The following ADCY9 variants were observed in gnomAD, a reference collection of about 807,000 sequenced individuals.
ADCY9 encodes adenylate cyclase 9.
In ADCY9, 50 loss-of-function variants were observed where a neutral mutation model predicts 101.5. The observed-to-expected ratio is 0.49, with a 90% CI of 0.39 to 0.62. ADCY9 has a LOEUF of 0.62. Ranked by LOEUF, ADCY9 falls within the 20% of genes least tolerant of loss-of-function variation. ADCY9 has a pLI of 0.00. For synonymous variants in ADCY9, 905 were observed against 769.3 expected (o/e 1.18, Z -2.92); for missense variants, 1,662 against 1,800.4 (o/e 0.92, Z 1.39).
chr16:4,022,860 T>G (rs2056487390), intron 2 of ADCY9, among the ~76,000 whole-genome samples: 1 of 152,224 alleles, frequency 6.6e-6, no homozygotes, highest in Non-Finnish European at 1.5e-5. Flanking sequence ...TCCTATTCAT[T>G]CTTTCAACAC....
chr16:4,113,906 C>G lies in ADCY9; in HGVS notation c.1537G>C (p.Asp513His), dbSNP rs747579417. Reference sequence around the variant, plus strand: ...TCCATGAGATTGGCCAGGTTCACATCGTTGGACCACACGTCAAATTTAAAC... The same window carrying G: ...TCCATGAGATTGGCCAGGTTCACATGGTTGGACCACACGTCAAATTTAAAC... ...RRFKFDVWSN[D>H]VNLANLMEQL... Residue 513 changes from aspartate to histidine, a missense_variant, in exon 2 of 11, where the codon GAT becomes CAT. Transcript: ENST00000294016. The G allele has an allele frequency of 2.5e-6, 4 of 1,614,178 alleles. No individual in the cohort carries two copies. The highest frequency in any genetic ancestry group is 1.1e-5 in the South Asian group (1 of 91,090).
intron 2 of ADCY9, among the ~76,000 whole-genome samples, chr16:4,041,816 A>T (rs1368403476): frequency 2.0e-5 from 3 of 150,898 alleles, no homozygotes; most frequent in Non-Finnish European, 4.4e-5. Flanking sequence ...CGGTGGAGTA[A>T]TCACAGCTCA....
intron 10 of ADCY9, 126 bp from the exon 11 acceptor site, chr16:3,967,092 C>T: frequency 1.3e-6 from 1 of 747,902 alleles, no homozygotes; most frequent in Non-Finnish European, 2.2e-6. Flanking sequence ...TGTCAAGCTG[C>T]CCATTCCTGG....
intron 3 of ADCY9, among the ~76,000 whole-genome samples, chr16:4,000,864 T>C (rs2056324543): frequency 6.6e-6 from 1 of 151,772 alleles, no homozygotes; most frequent in Non-Finnish European, 1.5e-5. Context: ...GAAGTCAAGA[T>C]AAGAAAATAT....
intron 2 of ADCY9, among the ~76,000 whole-genome samples, chr16:4,098,241 T>G (rs56057686): frequency 0.046 from 7,012 of 151,592 alleles, 547 homozygotes; most frequent in African/African-American, 0.16. Flanking sequence ...TTTGTTTTTG[T>G]TTTTGGTTTT....
chr16:4,006,094 C>A (rs1056146072), intron 3 of ADCY9, among the ~76,000 whole-genome samples: 1 of 152,140 alleles, frequency 6.6e-6, no homozygotes, highest in African/African-American at 2.4e-5. Context: ...ACCACTGTCC[C>A]GGTGGTTTTC....
chr16:4,061,367 T>C (rs2056772445), intron 2 of ADCY9, among the ~76,000 whole-genome samples: 1 of 152,094 alleles, frequency 6.6e-6, no homozygotes, highest in Admixed American at 6.6e-5. Flanking sequence ...AAACTCAAAG[T>C]AAGCTCAAAA....
downstream of ADCY9, among the ~76,000 whole-genome samples, chr16:3,961,930 G>A (rs988386854): frequency 5.3e-5 from 8 of 152,110 alleles, no homozygotes; most frequent in African/African-American, 1.9e-4. Flanking sequence ...GGAGGCTGAG[G>A]CACGAGAATT....
chr16:4,028,183 G>GA (rs754172532), intron 2 of ADCY9, among the ~76,000 whole-genome samples: 16 of 152,090 alleles, frequency 1.1e-4, no homozygotes, highest in Non-Finnish European at 2.2e-4. Flanking sequence ...TATAGCAAGA[G>GA]AAAAAAGTCA....
At chr16:4,010,150 G>A (rs1310681879) in intron 2 of ADCY9, among the ~76,000 whole-genome samples, 2 of 152,180 alleles carry the variant, frequency 1.3e-5, no homozygotes, top group African/African-American at 4.8e-5. Flanking sequence ...CTGAGGCTAC[G>A]GCTCCCCATG....
intron 2 of ADCY9, among the ~76,000 whole-genome samples, chr16:4,102,399 G>A (rs1190202302): frequency 6.6e-6 from 1 of 152,098 alleles, no homozygotes; most frequent in Non-Finnish European, 1.5e-5. Flanking sequence ...AAAATTTACA[G>A]AAACAAAGTT....
chr16:3,988,017 T>C (rs2056208744), intron 6 of ADCY9, among the ~76,000 whole-genome samples: 1 of 146,896 alleles, frequency 6.8e-6, no homozygotes, highest in South Asian at 2.1e-4. Context: ...GAGATGGGTG[T>C]TGGGACTGTG....
At chr16:4,029,568 G>A (rs915949716) in intron 2 of ADCY9, among the ~76,000 whole-genome samples, 4 of 152,304 alleles carry the variant, frequency 2.6e-5, no homozygotes, top group Non-Finnish European at 5.9e-5. Flanking sequence ...CCAACATGGT[G>A]AAACCCCATC....
chr16:4,042,606 G>A (rs962241886), intron 2 of ADCY9, among the ~76,000 whole-genome samples: 1 of 152,118 alleles, frequency 6.6e-6, no homozygotes, highest in African/African-American at 2.4e-5. Flanking sequence ...ATTTCCTAGT[G>A]ACTAGGATTT....
At chr16:3,987,906 C>T (rs1180269546) in intron 6 of ADCY9, among the ~76,000 whole-genome samples, 5 of 152,144 alleles carry the variant, frequency 3.3e-5, no homozygotes, top group East Asian at 1.9e-4. Flanking sequence ...AGGATTCAAA[C>T]CAGGCTCTAG....
At chr16:4,066,514 G>A (rs2056801981) in intron 2 of ADCY9, among the ~76,000 whole-genome samples, 1 of 152,040 alleles carries the variant, frequency 6.6e-6, no homozygotes, top group African/African-American at 2.4e-5. Context: ...AGCCTCCAGA[G>A]TAGCTTGGAC....
At position 3,964,741 on chromosome 16, in the gene ADCY9, G is replaced by T. The variant is rs2055972426; in HGVS notation, c.*1034C>A. On this transcript the variant is annotated 3_prime_UTR_variant, in exon 11 of 11. Transcript: ENST00000294016. ...AGGTCCCACTCAGACCCCTCTTGGG[G>T]TGGGGAGGTTGGGGGCGGCCCCAGG... 6.6e-6 allele frequency: 1 copy of T among 152,478 alleles called. No homozygotes were observed. The highest frequency in any genetic ancestry group is 2.4e-5 in the African/African-American group (1 of 41,478). 9.4% of individuals were successfully genotyped at this position (152,478 alleles called of 1,614,324 possible).
chr16:3,975,306 T>C (rs564208481), intron 9 of ADCY9, among the ~76,000 whole-genome samples: 116 of 150,752 alleles, frequency 7.7e-4, no homozygotes, highest in Non-Finnish European at 9.4e-4. Context: ...AATCTATTCA[T>C]TAAAGTTTCC....
intron 3 of ADCY9, among the ~76,000 whole-genome samples, chr16:4,002,706 T>C (rs2056339338): frequency 6.6e-6 from 1 of 152,156 alleles, no homozygotes; most frequent in Non-Finnish European, 1.5e-5. Context: ...ATACAAGTAA[T>C]TCAATTTTGG....
Sources: allele counts gnomAD v4.1 joint callset (sites outside exome capture counted in the v4.1 genomes callset), GRCh38; gene constraint gnomAD v4.1.1; transcripts MANE v1.5; gene names NCBI Gene and HGNC (gene_info 2026-07-23, HGNC 2026-07-21).